The following POMZP3 variants were observed in gnomAD, a reference collection of about 807,000 sequenced individuals.
POMZP3 encodes the protein POM121 and ZP3 fusion.
Under a neutral mutation model 19.8 loss-of-function variants are expected in POMZP3, and 10 were observed. That is an observed-to-expected ratio of 0.51 (90% CI 0.31 to 0.86). The LOEUF is 0.86. Among genes scored for constraint, POMZP3 ranks in the 40% least tolerant of loss-of-function variants. The pLI is 0.04. For synonymous variants in POMZP3, 57 were observed against 85.8 expected, an observed-to-expected ratio of 0.66 and a Z score of 1.85; for missense variants, 152 against 228.1, an observed-to-expected ratio of 0.67 and a Z score of 2.15.
intron 1 of POMZP3, 50 bp downstream of exon 1, chr7:76,626,658 T>G: frequency 7.3e-7 from 1 of 1,368,990 alleles, no homozygotes; most frequent in South Asian, 1.7e-5. Flanking sequence ...AGTCCTCGAT[T>G]TCAAGCCAGC....
Position 76,625,541 on chromosome 7 carries a change from C to T in POMZP3, c.208G>A (p.Gly70Ser). 6.2e-7 allele frequency: 1 copy of T among 1,613,402 alleles called. No homozygotes were observed. The highest frequency in any genetic ancestry group is 8.5e-7 in the Non-Finnish European group (1 of 1,179,654). Residue 70 changes from glycine to serine, a missense_variant, in exon 3 of 7, where the codon GGC becomes AGC. Gly to Ser is a moderately conservative substitution (Grantham distance 56). Coordinates refer to ENST00000310842, the MANE Select transcript of POMZP3 (RefSeq NM_012230.5). ...VEEEDQIFLD[G>S]QENKRSCLVD... is the part of the protein sequence containing the mutation. ...TGTTACCTTCTTTTATTTTCCTGGC[C>T]ATCAAGGAATATTTGGTCTTCTTCC...
chr7:76,624,313 C>G (rs1300045043), intron 3 of POMZP3, among the ~76,000 whole-genome samples: 2 of 151,472 alleles, frequency 1.3e-5, no homozygotes, highest in African/African-American at 4.9e-5. Context: ...CTTTGGGAGG[C>G]TGAGGCGAGC....
intron 3 of POMZP3, among the ~76,000 whole-genome samples, chr7:76,620,807 T>C (rs1815511346): frequency 1.3e-5 from 2 of 148,750 alleles, no homozygotes; most frequent in Non-Finnish European, 3.0e-5. Flanking sequence ...GGCTGGGACT[T>C]ACATAAGATA....
intron 4 of POMZP3, among the ~76,000 whole-genome samples, chr7:76,614,919 T>C (rs2116853268): frequency 1.0e-5 from 1 of 98,898 alleles, no homozygotes; most frequent in Admixed American, 1.0e-4. Flanking sequence ...AGCACCATCA[T>C]AGCTCACTGC....
Position 76,618,509 on chromosome 7 carries a change from T to C in POMZP3, c.228-209A>G, listed in dbSNP as rs560310049. ...CAGCAGTGCACACCTGTAATCCACCTACTCGGGAGGCTGAGGCAGGAGAAT... is the reference window on the plus strand; with the variant it reads ...CAGCAGTGCACACCTGTAATCCACCCACTCGGGAGGCTGAGGCAGGAGAAT... On this transcript the variant is annotated intron_variant, in intron 3 of 6. Transcript: ENST00000310842. 314 of 667,736 alleles carry C rather than the reference T, an allele frequency of 4.7e-4. 2 individuals are homozygous for C. The highest frequency in any genetic ancestry group is 1.6e-3 in the Admixed American group (53 of 33,384). 41.4% of individuals were successfully genotyped at this position (667,736 alleles called of 1,614,324 possible).
rs1815932746 is a variant in POMZP3, at chr7:76,626,831, C to T, written c.-275G>A. On this transcript the variant is annotated 5_prime_UTR_variant, in exon 1 of 7. Transcript: ENST00000310842. ...CGGCGCCGGGCGGGCGGGCGGCGGC[C>T]AGGCCTATTCCGCAGGTCCTGGCCC... is the stretch of plus-strand genomic sequence containing the variant. 7.3e-7 allele frequency: 1 copy of T among 1,377,984 alleles called. No individual in the cohort carries two copies. Among genetic ancestry groups the T allele is most frequent in the Non-Finnish European group, 9.3e-7 (1 of 1,077,452 alleles). 85.4% of individuals were successfully genotyped at this position (1,377,984 alleles called of 1,614,324 possible).
At chr7:76,621,497 C>T (rs1056035094) in intron 3 of POMZP3, 1 of 150,784 alleles carries the variant, frequency 6.6e-6, no homozygotes, top group Non-Finnish European at 1.5e-5. Flanking sequence ...GGCGGGTGAA[C>T]CAGAGCAACT....
At chr7:76,611,212 T>C (rs1799210) in intron 6 of POMZP3, among the ~76,000 whole-genome samples, 80,730 of 147,528 alleles carry the variant, frequency 0.55, 22,015 homozygotes, top group Middle Eastern at 0.7. Context: ...CCTACATGCC[T>C]AATTATGTCT....
chr7:76,621,894 A>C (rs1754220), intron 3 of POMZP3, among the ~76,000 whole-genome samples: 43,753 of 90,542 alleles, frequency 0.48, 12,599 homozygotes, highest in African/African-American at 0.73. Flanking sequence ...GAGCCGAGAT[A>C]GCGCTACTGC....
Position 76,626,983 on chromosome 7 carries a change from T to G in POMZP3, c.-427A>C. On this transcript the variant is annotated 5_prime_UTR_variant, in exon 1 of 7. Coordinates refer to ENST00000310842, the MANE Select transcript of POMZP3 (RefSeq NM_012230.5). ...TAGGAGGTTTCCGTTGGCTGTCGAC[T>G]TGGCCGGAGGCGAAGCGAACAGTGT... 1.4e-6 allele frequency: 2 copies of G among 1,385,242 alleles called. No homozygotes were observed. The highest frequency in any genetic ancestry group is 2.9e-5 in the South Asian group (2 of 68,104). 85.8% of individuals were successfully genotyped at this position (1,385,242 alleles called of 1,614,324 possible).
At chr7:76,616,176 C>G (rs1190123386) in intron 4 of POMZP3, among the ~76,000 whole-genome samples, 4 of 140,910 alleles carry the variant, frequency 2.8e-5, no homozygotes, top group Non-Finnish European at 4.6e-5. Context: ...CCCAGCTACT[C>G]AGGAGGCTGA....
intron 1 of POMZP3, 117 bp from the exon 2 acceptor site, chr7:76,626,332 CA>C: frequency 9.9e-7 from 1 of 1,014,788 alleles, no homozygotes; most frequent in South Asian, 1.6e-5. Context: ...TCTTTCTACG[CA>C]ACACAGAACA....
chr7:76,610,779 C>T (rs942546340), intron 6 of POMZP3, among the ~76,000 whole-genome samples: 4 of 149,644 alleles, frequency 2.7e-5, no homozygotes, highest in Non-Finnish European at 4.5e-5. Context: ...GTTGCCCAGG[C>T]TGGTCGAGAA....
Position 76,613,507 on chromosome 7 carries a change from CTTTTT to C in POMZP3, c.346-1699_346-1695del, listed in dbSNP as rs1193493149. Among the ~76,000 whole-genome samples the C allele has an allele frequency of 1.0e-4, 7 of 67,410 alleles. 2 individuals are homozygous for C. The highest frequency in any genetic ancestry group is 2.9e-4 in the African/African-American group (4 of 13,930). The allele number at this position is 67,410 out of a possible 152,430, so 44.2% of individuals were successfully genotyped here. ...ACCCTGTAAGCACTGCCCCCCTACC[CTTTTT>C]TTTTTTTTTTTTTCTGAGACGGAGT... On this transcript the variant is annotated intron_variant, in intron 4 of 6. Transcript: ENST00000310842.
intron 3 of POMZP3, among the ~76,000 whole-genome samples, chr7:76,623,890 A>G (rs1198363866): frequency 6.6e-6 from 1 of 150,908 alleles, no homozygotes; most frequent in African/African-American, 2.4e-5. Context: ...TTTTTGTTAA[A>G]TAAGAGCAAT....
chr7:76,626,116 C>T lies in POMZP3; in HGVS notation c.-52G>A. On this transcript the variant is annotated 5_prime_UTR_variant, in exon 2 of 7. It adds an upstream start codon to the 5' untranslated region. Coordinates refer to ENST00000310842, the MANE Select transcript of POMZP3 (RefSeq NM_012230.5). The stretch of plus-strand genomic sequence containing the variant: ...CCTTCTTGTGATAACCATTCCAGCA[C>T]ACTGTGGGAAGTACCCCCGGACAGG... 6.2e-7 allele frequency: 1 copy of T among 1,613,430 alleles called. No homozygotes were observed. Among genetic ancestry groups the T allele is most frequent in the Non-Finnish European group, 8.5e-7 (1 of 1,179,590 alleles).
chr7:76,613,333 G>C (rs571078558), intron 4 of POMZP3, among the ~76,000 whole-genome samples: 3,726 of 89,336 alleles, frequency 0.042, 222 homozygotes, highest in African/African-American at 0.15. Flanking sequence ...GGGATATGAC[G>C]ACCAGAAGAC....
intron 4 of POMZP3, 25 bp from the exon 5 acceptor site, chr7:76,611,838 A>G: frequency 2.6e-6 from 4 of 1,533,182 alleles, no homozygotes; most frequent in African/African-American, 1.4e-5. Context: ...AGCTATTTCC[A>G]GGCCGAGTTC....
intron 3 of POMZP3, chr7:76,618,544 C>T (rs969659281): frequency 5.6e-6 from 3 of 533,238 alleles, no homozygotes; most frequent in Non-Finnish European, 9.8e-6. Flanking sequence ...TCGCTTGAAT[C>T]TGGGAGGCAG....
Sources: gnomAD v4.1 joint callset for allele counts (sites outside exome capture counted in the v4.1 genomes callset) on GRCh38, gnomAD v4.1.1 for gene constraint, MANE v1.5 for transcripts, NCBI Gene and HGNC (gene_info 2026-07-23, HGNC 2026-07-21) for gene names.